RNF14: variants seen among roughly 807,000 people sequenced by gnomAD.
The protein encoded by RNF14 is ring finger protein 14.
A neutral mutation model predicts 52.6 loss-of-function variants in RNF14; 26 were observed. The ratio of observed to expected loss-of-function variants is 0.49; its 90% CI spans 0.36 to 0.69. The LOEUF (loss-of-function observed/expected upper bound fraction) is 0.69. Ranked by LOEUF, RNF14 falls within the 30% of genes least tolerant of loss-of-function variation. The pLI is 0.00. For synonymous variants in RNF14, 194 were observed against 202.0 expected, an observed-to-expected ratio of 0.96 and a Z score of 0.34; for missense variants, 404 against 560.4, an observed-to-expected ratio of 0.72 and a Z score of 2.82.
rs1754480063 is a variant in RNF14 at position 141,978,701 on chromosome 5, C to G, written c.705C>G (p.Phe235Leu). 2 of 1,614,000 alleles carry G rather than the reference C, an allele frequency of 1.2e-6. No homozygotes were observed. The highest frequency in any genetic ancestry group is 1.7e-6 in the Non-Finnish European group (2 of 1,179,880). ...CEKLGSECMY[F>L]LECRHVYCKA... Reference sequence around the variant, plus strand: ...AGCTGGGTAGTGAATGCATGTACTTCTTGGAGTGCAGGCATGTGTACTGCA... The same window carrying G: ...AGCTGGGTAGTGAATGCATGTACTTGTTGGAGTGCAGGCATGTGTACTGCA... The change falls in exon 5 of 9, where the codon TTC becomes TTG. Residue 235 changes from phenylalanine (F) to leucine (L), a missense_variant. Phe to Leu is a conservative substitution (Grantham distance 22). Coordinates refer to ENST00000394520, the MANE Select transcript of RNF14 (RefSeq NM_004290.5).
chr5:141,949,552 C>G, the RNF14 span: 1 of 1,614,154 alleles, frequency 6.2e-7, no homozygotes, highest in Non-Finnish European at 8.5e-7. Flanking sequence ...CCAGCCCTTG[C>G]ACTTGGGCCA....
At chr5:141,961,941 C>T (rs1379230920), upstream of RNF14, among the ~76,000 whole-genome samples, 4 of 152,194 alleles carry the variant, frequency 2.6e-5, no homozygotes, top group Non-Finnish European at 5.9e-5. Flanking sequence ...TCCAGGCTTT[C>T]TCCTCGTGAA....
upstream of RNF14, chr5:141,957,009 G>A (rs1753195975): frequency 6.2e-7 from 1 of 1,614,108 alleles, no homozygotes; most frequent in Non-Finnish European, 8.5e-7. This position sits in a 1 kb window ranked among gnomAD's most constrained non-coding sequence, Gnocchi z 4.3. Flanking sequence ...TACTGAGGAA[G>A]AACTCCACCT....
At chr5:141,975,647 G>A (rs910106035) in intron 4 of RNF14, among the ~76,000 whole-genome samples, 1 of 152,156 alleles carries the variant, frequency 6.6e-6, no homozygotes, top group Non-Finnish European at 1.5e-5. Flanking sequence ...AAAGCATTCT[G>A]GGAGAGATAA....
chr5:141,958,313 G>A (rs1202023627), upstream of RNF14: 6 of 160,208 alleles, frequency 3.7e-5, no homozygotes, highest in Non-Finnish European at 8.3e-5. Context: ...GTGAAGCTAA[G>A]TGGCCTGCCG....
rs1754644872 is a variant in RNF14, at chr5:141,980,215, C to T, written c.927C>T (p.Cys309=). ...ACCTGATGGCAGATGTGGTGTACTG[C>T]CCCCGGCCGTGCTGCCAGCTGCCTG... is the stretch of plus-strand genomic sequence containing the variant. ...SLDLMADVVY[C]PRPCCQLPVM... The change falls in exon 6 of 9, where the codon TGC becomes TGT. Residue 309 remains cysteine, a synonymous_variant. Coordinates refer to ENST00000394520, the MANE Select transcript of RNF14 (RefSeq NM_004290.5). 2.5e-6 allele frequency: 4 copies of T among 1,614,012 alleles called. No individual in the cohort carries two copies. The highest frequency in any genetic ancestry group is 3.4e-6 in the Non-Finnish European group (4 of 1,179,970).
Position 141,983,370 on chromosome 5 carries a change from C to G in RNF14, c.1064-10C>G, listed in dbSNP as rs1229839588. On this transcript the variant is annotated splice_polypyrimidine_tract_variant and intron_variant, in intron 6 of 8. Transcript: ENST00000394520. Reference sequence around the variant, plus strand: ...TTATATAAAAGTTAATTTTCCATTTCACTTTGTAGAGAAATTAATGGACTT... The same window carrying G: ...TTATATAAAAGTTAATTTTCCATTTGACTTTGTAGAGAAATTAATGGACTT... 3.7e-6 allele frequency: 6 copies of G among 1,602,166 alleles called. No homozygotes were observed. Among genetic ancestry groups the G allele is most frequent in the Non-Finnish European group, 5.1e-6 (6 of 1,175,334 alleles).
At chr5:141,955,799 A>T, upstream of RNF14, 1 of 1,613,776 alleles carries the variant, frequency 6.2e-7, no homozygotes. The surrounding 1 kb of genome is among the most constrained non-coding windows in gnomAD (Gnocchi z 5.5). Flanking sequence ...CGGGTCTGTA[A>T]GGGGGGGCTT....
chr5:141,987,850 C>T lies in RNF14; in HGVS notation c.*60C>T. 1 of 1,491,210 alleles carries T rather than the reference C, an allele frequency of 6.7e-7. No homozygotes were observed. The highest frequency in any genetic ancestry group is 9.3e-7 in the Non-Finnish European group (1 of 1,070,010). 92.4% of individuals were successfully genotyped at this position (1,491,210 alleles called of 1,614,324 possible). On this transcript the variant is annotated 3_prime_UTR_variant, in exon 9 of 9. Coordinates refer to ENST00000394520, the MANE Select transcript of RNF14 (RefSeq NM_004290.5). Reference sequence around the variant, plus strand: ...TTTCCCTAATCTTCCGTCAAGTACACAAAGTAACTTTGCGGGATATTTAGG... The same window carrying T: ...TTTCCCTAATCTTCCGTCAAGTACATAAAGTAACTTTGCGGGATATTTAGG...
At chr5:141,956,384 C>T (rs1186151654), upstream of RNF14, 4 of 1,614,044 alleles carry the variant, frequency 2.5e-6, no homozygotes, top group Non-Finnish European at 3.4e-6. Flanking sequence ...CCATTAATGC[C>T]CAAGTCTGCA....
At chr5:141,956,270 T>C, upstream of RNF14, 1 of 1,614,192 alleles carries the variant, frequency 6.2e-7, no homozygotes, top group Non-Finnish European at 8.5e-7. Context: ...AAGCCGGCCA[T>C]CTCTTCATAG....
upstream of RNF14, among the ~76,000 whole-genome samples, chr5:141,962,200 C>T (rs1361922349): frequency 6.6e-6 from 1 of 152,210 alleles, no homozygotes; most frequent in Non-Finnish European, 1.5e-5. Flanking sequence ...ATGACAGGTG[C>T]TGTCTCCCAC....
intron 2 of RNF14, among the ~76,000 whole-genome samples, chr5:141,971,268 G>T (rs1318597916): frequency 6.6e-6 from 1 of 152,146 alleles, no homozygotes; most frequent in African/African-American, 2.4e-5. Flanking sequence ...TTGAGACAAG[G>T]TCTTGCTCTG....
At chr5:141,972,143 T>C (rs1204925905) in intron 2 of RNF14, among the ~76,000 whole-genome samples, 1 of 152,190 alleles carries the variant, frequency 6.6e-6, no homozygotes, top group East Asian at 1.9e-4. Context: ...ATAATATCTA[T>C]GCCTGTAACA....
chr5:141,961,105 GTTATGGAA>G (rs1306974234), intron 1 of RNF14, among the ~76,000 whole-genome samples: 1 of 152,208 alleles, frequency 6.6e-6, no homozygotes, highest in African/African-American at 2.4e-5. Flanking sequence ...CACAGAAGGA[GTTATGGAA>G]TTCATGATAA....
upstream of RNF14, among the ~76,000 whole-genome samples, chr5:141,966,621 A>T (rs1402841981): frequency 6.6e-6 from 1 of 152,188 alleles, no homozygotes; most frequent in Non-Finnish European, 1.5e-5. Flanking sequence ...AAAGTCTGTT[A>T]TTTTCCTAGA....
intron 1 of RNF14, among the ~76,000 whole-genome samples, chr5:141,960,560 C>T (rs1321293892): frequency 6.6e-6 from 1 of 152,122 alleles, no homozygotes; most frequent in Admixed American, 6.5e-5. Flanking sequence ...ATGCAGTGGC[C>T]TGGGTTCCCA....
rs553321140 is a variant in RNF14 at position 141,972,985 on chromosome 5, T to C, written c.-6-598T>C. Among the ~76,000 whole-genome samples the C allele has an allele frequency of 2.0e-5, 3 of 152,336 alleles. No homozygotes were observed. In the East Asian group the frequency reaches 5.8e-4, roughly 29 times the overall value. ...TGGACAAGTCAAAGTAAATTTGTGA[T>C]TTGTCCTTTTCAAAGAAAATTTTCA... On this transcript the variant is annotated intron_variant, in intron 2 of 8. Coordinates refer to ENST00000394520, the MANE Select transcript of RNF14 (RefSeq NM_004290.5).
At chr5:141,951,531 G>A in the RNF14 span, 2 of 1,614,238 alleles carry the variant, frequency 1.2e-6, no homozygotes, top group Non-Finnish European at 8.5e-7. Flanking sequence ...TATTTCCTCG[G>A]TGGTTTGGTT....
Sources: gnomAD v4.1 joint callset for allele counts (sites outside exome capture counted in the v4.1 genomes callset) on GRCh38, gnomAD v4.1.1 for gene constraint, Gnocchi (gnomAD v3.1) non-coding constraint, MANE v1.5 for transcripts, NCBI Gene and HGNC (gene_info 2026-07-23, HGNC 2026-07-21) for gene names.